Variants in LRRC37A observed in about 807,000 individuals in gnomAD.
LRRC37A encodes leucine rich repeat containing 37A, also known as leucine-rich repeat-containing protein 37A.
In LRRC37A, 3 loss-of-function variants were observed where a neutral mutation model predicts 35.4. The observed-to-expected ratio is 0.08, with a 90% confidence interval of 0.04 to 0.22. LRRC37A has a LOEUF of 0.22. LRRC37A is among the 10% of genes least tolerant of loss of function. LRRC37A has a pLI of 1.00. For synonymous variants in LRRC37A, 23 were observed against 215.0 expected (o/e 0.11, Z 7.81); for missense variants, 67 against 565.3 (o/e 0.12, Z 8.94).
the LRRC37A span, among the ~76,000 whole-genome samples, chr17:46,250,584 T>C: frequency 6.6e-6 from 1 of 152,204 alleles, no homozygotes; most frequent in Non-Finnish European, 1.5e-5. Context: ...CTTCTTACCC[T>C]CCAACATCGG....
At chr17:46,276,789 TC>T in the LRRC37A span, among the ~76,000 whole-genome samples, 2 of 150,118 alleles carry the variant, frequency 1.3e-5, no homozygotes, top group Non-Finnish European at 3.0e-5. Flanking sequence ...TTTCTTTTTT[TC>T]TTTTTTTTTT....
At chr17:46,285,731 G>T in the LRRC37A span, among the ~76,000 whole-genome samples, 1 of 152,192 alleles carries the variant, frequency 6.6e-6, no homozygotes, top group Non-Finnish European at 1.5e-5. Context: ...GTATGTGAAG[G>T]ACTGAAGTTT....
the LRRC37A span, chr17:46,259,746 G>C: frequency 6.4e-7 from 1 of 1,565,304 alleles, no homozygotes; most frequent in Non-Finnish European, 8.6e-7. Flanking sequence ...CCTGGTACCA[G>C]AAGCGGTGCC....
chr17:46,251,183 C>T, the LRRC37A span, among the ~76,000 whole-genome samples: 1 of 152,062 alleles, frequency 6.6e-6, no homozygotes, highest in South Asian at 2.1e-4. Flanking sequence ...TCCCGTGGTT[C>T]TCAACTGGGC....
intron 5 of LRRC37A, among the ~76,000 whole-genome samples, chr17:46,317,063 T>C (rs2051174144): frequency 2.3e-5 from 2 of 86,888 alleles, no homozygotes; most frequent in Non-Finnish European, 6.5e-5. Context: ...TCCCCACATT[T>C]CCCCCTTTTC....
At chr17:46,253,708 A>AGCTGCGGCTCG in the LRRC37A span, among the ~76,000 whole-genome samples, 1 of 138,474 alleles carries the variant, frequency 7.2e-6, no homozygotes, top group Non-Finnish European at 1.6e-5. Flanking sequence ...AGTACAGTCC[A>AGCTGCGGCTCG]GCATCAGAGG....
In LRRC37A at chr17:46,316,628, T is replaced by C. The variant is rs556276115; in HGVS notation, c.2907-5694T>C. On this transcript the variant is annotated intron_variant, in intron 5 of 13. Coordinates refer to ENST00000320254, the Ensembl canonical transcript of LRRC37A. The stretch of plus-strand genomic sequence containing the variant: ...TTTTGTTTTTGTTTTTTTTAATTTT[T>C]TTTTATTGATCATTCTTGGGTGTTT... Among the ~76,000 whole-genome samples, 3 of 74,794 alleles carry C rather than the reference T, an allele frequency of 4.0e-5. 1 individual carries two copies. In the Admixed American group the frequency reaches 4.3e-4, roughly 11 times the overall value. The allele number at this position is 74,794 out of a possible 152,430, so 49.1% of individuals were successfully genotyped here. A position where few individuals can be genotyped will look rare whatever the true frequency, so the allele number is the denominator to read the frequency against.
the LRRC37A span, among the ~76,000 whole-genome samples, chr17:46,283,498 A>G: frequency 6.6e-6 from 1 of 152,250 alleles, no homozygotes; most frequent in Non-Finnish European, 1.5e-5. Context: ...TCAGTTTTAA[A>G]TGCGATACAT....
At chr17:46,263,873 A>AAG in the LRRC37A span, among the ~76,000 whole-genome samples, 6 of 130,848 alleles carry the variant, frequency 4.6e-5, no homozygotes, top group South Asian at 2.2e-4. Flanking sequence ...AAAAAAAAAA[A>AAG]AGAGAGAGAG....
the LRRC37A span, among the ~76,000 whole-genome samples, chr17:46,265,289 TTCTTCTTCTTCTTCTTCTTCTTCTTCC>T: frequency 3.4e-5 from 3 of 89,540 alleles, no homozygotes; most frequent in South Asian, 6.1e-4. Flanking sequence ...CTTCTTCTTC[TTCTTCTTCTTCTTCTTCTTCTTCTTCC>T]TCTTCTTCTT....
At chr17:46,269,503 CAA>C in the LRRC37A span, among the ~76,000 whole-genome samples, 4 of 152,164 alleles carry the variant, frequency 2.6e-5, no homozygotes, top group African/African-American at 4.8e-5. Flanking sequence ...GCCTGGGCAA[CAA>C]GAGCAAAACT....
At chr17:46,264,239 CAT>C in the LRRC37A span, among the ~76,000 whole-genome samples, 1 of 151,040 alleles carries the variant, frequency 6.6e-6, no homozygotes. Flanking sequence ...GCTGGAATTA[CAT>C]GTGTGAGCCA....
At chr17:46,253,708 A>AGCTTCGGCTCC in the LRRC37A span, among the ~76,000 whole-genome samples, 1 of 138,476 alleles carries the variant, frequency 7.2e-6, no homozygotes, top group Non-Finnish European at 1.6e-5. Flanking sequence ...AGTACAGTCC[A>AGCTTCGGCTCC]GCATCAGAGG....
chr17:46,253,466 A>G, the LRRC37A span, among the ~76,000 whole-genome samples: 2 of 152,160 alleles, frequency 1.3e-5, no homozygotes, highest in East Asian at 3.9e-4. Flanking sequence ...ACCACTGAGC[A>G]CTGAGTGAAC....
the LRRC37A span, among the ~76,000 whole-genome samples, chr17:46,263,465 C>T: frequency 1.4e-5 from 2 of 147,922 alleles, no homozygotes; most frequent in Non-Finnish European, 1.5e-5. Flanking sequence ...ACAGGAGAAT[C>T]GATTGAACCC....
chr17:46,272,978 CA>C, the LRRC37A span, among the ~76,000 whole-genome samples: 2 of 152,196 alleles, frequency 1.3e-5, no homozygotes, highest in African/African-American at 4.8e-5. Context: ...AATCCAATGT[CA>C]AAAACATTAC....
At position 46,315,293 on chromosome 17, in the gene LRRC37A, G is replaced by A. The variant is rs530274753; in HGVS notation, c.2907-7029G>A. Among the ~76,000 whole-genome samples, 407 of 86,232 alleles carry A rather than the reference G, an allele frequency of 4.7e-3. 100 individuals carry two copies. The highest frequency in any genetic ancestry group is 0.012 in the African/African-American group (386 of 31,424). The allele number at this position is 86,232 out of a possible 152,430, so 56.6% of individuals were successfully genotyped here. On this transcript the variant is annotated intron_variant, in intron 5 of 13. Coordinates refer to ENST00000320254, the Ensembl canonical transcript of LRRC37A. ...TCATCCTAGCACTTTGGGAGGCTGC[G>A]GTGGGAGGATTGCTTGACCCCAGGA...
At chr17:46,267,893 C>CTTTTTT in the LRRC37A span, among the ~76,000 whole-genome samples, 1 of 89,272 alleles carries the variant, frequency 1.1e-5, no homozygotes, top group Non-Finnish European at 2.0e-5. Context: ...ACTCCCACAT[C>CTTTTTT]TTTTTTTTTT....
At chr17:46,249,127 G>A in the LRRC37A span, among the ~76,000 whole-genome samples, 5 of 151,790 alleles carry the variant, frequency 3.3e-5, no homozygotes, top group Non-Finnish European at 7.3e-5. Flanking sequence ...CTTTGGTGTC[G>A]GCAGGGGGTC....
Sources: allele counts gnomAD v4.1 joint callset (sites outside exome capture counted in the v4.1 genomes callset), GRCh38; gene constraint gnomAD v4.1.1; transcripts MANE v1.5; gene names NCBI Gene and HGNC (gene_info 2026-07-23, HGNC 2026-07-21).